The following PIK3C3 variants were observed in gnomAD, a reference collection of about 807,000 sequenced individuals.
PIK3C3 encodes the protein PI3-kinase type 3.
A neutral mutation model predicts 126.1 loss-of-function variants in PIK3C3; 95 were observed. The observed-to-expected ratio is 0.75, with a 90% CI of 0.64 to 0.89. The LOEUF (loss-of-function observed/expected upper bound fraction) is 0.89. Among genes scored for constraint, PIK3C3 ranks in the 40% least tolerant of loss-of-function variants. The pLI is 0.00. For missense variants in PIK3C3, 829 were observed against 1,063.2 expected (o/e 0.78, Z 3.06); for synonymous variants, 374 against 360.0 (o/e 1.04, Z -0.44).
At chr18:42,037,083 A>G (rs2144461620) in intron 16 of PIK3C3, among the ~76,000 whole-genome samples, 1 of 152,348 alleles carries the variant, frequency 6.6e-6, no homozygotes, top group South Asian at 2.1e-4. Context: ...TTTATTATGT[A>G]TATGCAAATA....
rs1295530818 is a variant in PIK3C3, at chr18:42,067,531, A to G, written c.2649+18A>G. On this transcript the variant is annotated intron_variant, in intron 24 of 24. Coordinates refer to ENST00000262039, the MANE Select transcript of PIK3C3 (RefSeq NM_002647.4). ...TTGCCCAGGTAAGTTCCCTGAGTGC[A>G]GTGCATTTTTCTCACCTTCTCCGTG... is the stretch of plus-strand genomic sequence containing the variant. 1 of 1,613,710 alleles carries G rather than the reference A, an allele frequency of 6.2e-7. No individual in the cohort carries two copies. Among genetic ancestry groups the G allele is most frequent in the Non-Finnish European group, 8.5e-7 (1 of 1,179,814 alleles).
At chr18:41,978,033 C>T (rs147036824) in intron 4 of PIK3C3, among the ~76,000 whole-genome samples, 294 of 152,324 alleles carry the variant, frequency 1.9e-3, no homozygotes, top group Non-Finnish European at 3.0e-3. Context: ...ACACTCACAG[C>T]TCACTGCAGC....
At chr18:42,067,993 ATT>A (rs1387257439) in intron 24 of PIK3C3, among the ~76,000 whole-genome samples, 4 of 152,236 alleles carry the variant, frequency 2.6e-5, no homozygotes, top group African/African-American at 9.6e-5. Context: ...TTTAAAACCC[ATT>A]TTAATTATGA....
chr18:42,009,752 A>ACATTATGTAATGCTTACATAATGTAAG lies in PIK3C3; in HGVS notation c.1171-3681_1171-3655dup, dbSNP rs1249874116. Reference sequence around the variant, plus strand: ...ATGTAATGCTTACATTATGTAATGTACATTATGTAATGCTTACATAATGTA... The same window carrying ACATTATGTAATGCTTACATAATGTAAG: ...ATGTAATGCTTACATTATGTAATGTACATTATGTAATGCTTACATAATGTAAGCATTATGTAATGCTTACATAATGTA... On this transcript the variant is annotated intron_variant, in intron 10 of 24. Coordinates refer to ENST00000262039, the MANE Select transcript of PIK3C3 (RefSeq NM_002647.4). Among the ~76,000 whole-genome samples, 121 of 149,280 alleles carry ACATTATGTAATGCTTACATAATGTAAG rather than the reference A, an allele frequency of 8.1e-4. 1 individual carries two copies. The highest frequency in any genetic ancestry group is 2.9e-3 in the African/African-American group (115 of 39,344).
chr18:42,064,333 C>A (rs535268739), intron 22 of PIK3C3, among the ~76,000 whole-genome samples: 1 of 152,130 alleles, frequency 6.6e-6, no homozygotes. Flanking sequence ...TTAGCCATGA[C>A]ACACTGAGGT....
chr18:41,974,640 T>C (rs1980826523), intron 4 of PIK3C3, among the ~76,000 whole-genome samples: 1 of 152,080 alleles, frequency 6.6e-6, no homozygotes, highest in African/African-American at 2.4e-5. Context: ...TGAATTGATT[T>C]GTGAAAATAA....
At chr18:42,005,877 A>G (rs1042942321) in intron 10 of PIK3C3, among the ~76,000 whole-genome samples, 1 of 151,134 alleles carries the variant, frequency 6.6e-6, no homozygotes, top group African/African-American at 2.4e-5. Context: ...CCAATTTATA[A>G]CCAATCTTGT....
In PIK3C3 at chr18:42,015,484, T is replaced by C. The variant is rs1393019578; in HGVS notation, c.1334T>C (p.Ile445Thr). ...INSAEIDSSQ[I>T]ITSPLPSVSS... ...TTTTATTACTTTTTCAGCTCCCAAA[T>C]TATAACCAGCCCCCTTCCTTCAGTC... Residue 445 changes from isoleucine (I) to threonine (T), a missense_variant, in exon 12 of 25, where the codon ATT (isoleucine) becomes ACT (threonine). Ile to Thr is a moderately conservative substitution (Grantham distance 89). Around this residue, in one of 4 missense-constraint regions of PIK3C3, gnomAD observed 256 missense variants for 291.0 expected, o/e 0.88. Coordinates refer to ENST00000262039, the MANE Select transcript of PIK3C3 (RefSeq NM_002647.4). 7.4e-6 allele frequency: 12 copies of C among 1,613,134 alleles called. No homozygotes were observed. The South Asian group carries it at 1.1e-4, about 15-fold the overall frequency.
intron 14 of PIK3C3, 150 bp downstream of exon 14, chr18:42,027,698 A>G (rs903286213): frequency 1.1e-5 from 4 of 352,062 alleles, no homozygotes; most frequent in Non-Finnish European, 2.0e-5. Context: ...TCTGTTACCC[A>G]GGCCGGAGTA....
intron 4 of PIK3C3, among the ~76,000 whole-genome samples, chr18:41,985,894 G>T (rs1294422474): frequency 4.6e-5 from 7 of 152,064 alleles, no homozygotes; most frequent in Non-Finnish European, 1.5e-5. Context: ...AATTTGTCTG[G>T]ATAGTTTTAG....
intron 24 of PIK3C3, among the ~76,000 whole-genome samples, chr18:42,078,407 A>AG (rs911862414): frequency 1.4e-5 from 2 of 143,638 alleles, no homozygotes; most frequent in Non-Finnish European, 3.1e-5. Context: ...AAAAAAAAAA[A>AG]AATTTTCAGT....
At chr18:42,074,571 T>G (rs543392916) in intron 24 of PIK3C3, among the ~76,000 whole-genome samples, 1 of 152,276 alleles carries the variant, frequency 6.6e-6, no homozygotes, top group East Asian at 1.9e-4. Context: ...TATTTAGTTG[T>G]GAAACCGATA....
chr18:41,971,427 G>T (rs2144314198), intron 4 of PIK3C3: 2 of 152,052 alleles, frequency 1.3e-5, no homozygotes, highest in East Asian at 3.9e-4. Context: ...CTTTTGTATT[G>T]CTCTTTTAAG....
chr18:42,048,332 G>A (rs1316548067), intron 20 of PIK3C3, among the ~76,000 whole-genome samples: 2 of 152,088 alleles, frequency 1.3e-5, no homozygotes, highest in African/African-American at 2.4e-5. Flanking sequence ...TCATCATGTC[G>A]CAATCTAGAC....
Position 41,962,419 on chromosome 18 carries a change from G to A in PIK3C3, c.258-70G>A, listed in dbSNP as rs1980135836. 19 of 1,267,126 alleles carry A rather than the reference G, an allele frequency of 1.5e-5. No homozygotes were observed. The South Asian group carries it at 3.8e-4, about 25-fold the overall frequency. 78.5% of individuals were successfully genotyped at this position (1,267,126 alleles called of 1,614,324 possible). A position where few individuals can be genotyped will look rare whatever the true frequency, so the allele number is the denominator to read the frequency against. ...TTTTCCTCTGGCCAAAACTTTTTGTGTGGTTTGTTAATTTAAAAGAAAGAT... is the reference window on the plus strand; with the variant it reads ...TTTTCCTCTGGCCAAAACTTTTTGTATGGTTTGTTAATTTAAAAGAAAGAT... On this transcript the variant is annotated intron_variant, in intron 2 of 24. Transcript: ENST00000262039.
At chr18:41,981,182 C>A (rs929633639) in intron 4 of PIK3C3, among the ~76,000 whole-genome samples, 1 of 152,118 alleles carries the variant, frequency 6.6e-6, no homozygotes, top group Non-Finnish European at 1.5e-5. Context: ...ATGCTACCTT[C>A]TGTTTTATTA....
At chr18:42,012,995 A>C (rs1982899807) in intron 10 of PIK3C3, among the ~76,000 whole-genome samples, 1 of 152,174 alleles carries the variant, frequency 6.6e-6, no homozygotes, top group Non-Finnish European at 1.5e-5. Flanking sequence ...GAAAACTTGA[A>C]AATTTGGAAT....
chr18:42,052,545 A>G (rs1042049135), intron 21 of PIK3C3, among the ~76,000 whole-genome samples: 5 of 152,294 alleles, frequency 3.3e-5, no homozygotes, highest in Admixed American at 6.5e-5. Context: ...ATTAGATTCT[A>G]TAAGGAGAGA....
At position 41,987,872 on chromosome 18, in the gene PIK3C3, T is replaced by C; in HGVS notation, c.592T>C (p.Phe198Leu). ...AGTAGATTGGCTGGATAGATTGACA[T>C]TTAGAGAAATAGAAATGATAAATGA... ...VKVDWLDRLT[F>L]REIEMINESE... Residue 198 changes from phenylalanine to leucine, a missense_variant, in exon 5 of 25, where the codon TTT (phenylalanine) becomes CTT (leucine). Phe to Leu is a conservative substitution (Grantham distance 22). This residue lies in a region of PIK3C3 where 313 missense variants were observed against 340.7 expected (regional missense o/e 0.92). Transcript: ENST00000262039. 1 of 1,597,206 alleles carries C rather than the reference T, an allele frequency of 6.3e-7. No individual in the cohort carries two copies. Among genetic ancestry groups the C allele is most frequent in the Non-Finnish European group, 8.6e-7 (1 of 1,168,768 alleles).
Sources: gnomAD v4.1 joint callset for allele counts (sites outside exome capture counted in the v4.1 genomes callset) on GRCh38, gnomAD v4.1.1 for gene constraint, gnomAD v4.1.1 regional missense constraint, MANE v1.5 for transcripts, NCBI Gene and HGNC (gene_info 2026-07-23, HGNC 2026-07-21) for gene names.